The following CDYL variants were observed in gnomAD, a reference collection of about 807,000 sequenced individuals.
CDYL encodes the protein chromodomain Y like.
CDYL carries 8 observed loss-of-function variants against 47.3 expected under a neutral mutation model. The ratio of observed to expected loss-of-function variants is 0.17; its 90% CI spans 0.10 to 0.31. The LOEUF (loss-of-function observed/expected upper bound fraction) is 0.31, where lower values mean the gene tolerates loss of function less well. Ranked by LOEUF, CDYL falls within the 10% of genes least tolerant of loss-of-function variation. CDYL has a pLI of 1.00. For missense variants in CDYL, 471 were observed against 701.4 expected, an observed-to-expected ratio of 0.67 and a Z score of 3.71; for synonymous variants, 266 against 265.0, an observed-to-expected ratio of 1.00 and a Z score of -0.04.
At chr6:4,930,845 T>C (rs182053078) in intron 2 of CDYL, among the ~76,000 whole-genome samples, 1 of 152,360 alleles carries the variant, frequency 6.6e-6, no homozygotes, top group African/African-American at 2.4e-5. Context: ...GCCTTGGTAC[T>C]CTGAATCCAA....
rs1056291125 is a variant in CDYL at position 4,923,724 on chromosome 6, G to A, written c.692-11791G>A. On this transcript the variant is annotated intron_variant, in intron 2 of 6. Transcript: ENST00000397588. Reference sequence around the variant, plus strand: ...TCCTCTTCTAACCCGGTGAAACCCCGTCTCTACTAAAAAATATTTAAAAAA... The same window carrying A: ...TCCTCTTCTAACCCGGTGAAACCCCATCTCTACTAAAAAATATTTAAAAAA... 1.2e-4 allele frequency among the ~76,000 whole-genome samples: 18 copies of A among 151,868 alleles called. 1 individual carries two copies. Among genetic ancestry groups the A allele is most frequent in the Non-Finnish European group, 2.4e-4 (16 of 67,982 alleles).
chr6:4,845,600 C>T (rs556892370), intron 1 of CDYL, among the ~76,000 whole-genome samples: 19 of 152,272 alleles, frequency 1.2e-4, no homozygotes, highest in Admixed American at 2.0e-4. Context: ...AAATATTTTA[C>T]GCTTTCTTGG....
rs781317117 is a variant in CDYL at position 4,892,168 on chromosome 6, C to T, written c.480C>T (p.Ser160=). The change falls in exon 2 of 7, where the codon AGC becomes AGT. Residue 160 remains serine (S), a synonymous_variant. Transcript: ENST00000397588. The part of the protein sequence containing the change: ...KSRTAVDGFQ[S]ESPEKLDPVE... ...GGACCGCAGTGGACGGCTTTCAGAG[C>T]GAGAGCCCTGAGAAACTGGACCCCG... 9 of 1,614,168 alleles carry T rather than the reference C, an allele frequency of 5.6e-6. No homozygotes were observed. The highest frequency in any genetic ancestry group is 4.5e-5 in the East Asian group (2 of 44,882).
intron 4 of CDYL, among the ~76,000 whole-genome samples, chr6:4,940,629 A>G (rs1375354055): frequency 6.6e-6 from 1 of 152,246 alleles, no homozygotes; most frequent in Non-Finnish European, 1.5e-5. Flanking sequence ...TGTGGTTAGA[A>G]CAAAATTCTT....
chr6:4,883,168 A>C (rs1036773917), intron 1 of CDYL, among the ~76,000 whole-genome samples: 7 of 152,092 alleles, frequency 4.6e-5, no homozygotes, highest in African/African-American at 1.7e-4. Context: ...GAAACATACA[A>C]TTTTGTCCTG....
chr6:4,892,463 C>A, intron 2 of CDYL, 84 bp downstream of exon 2: 1 of 1,416,580 alleles, frequency 7.1e-7, no homozygotes, highest in Non-Finnish European at 9.5e-7. Flanking sequence ...TTGAGCTGGG[C>A]AGAGTCCGGG....
intron 1 of CDYL, chr6:4,714,989 C>T (rs1757226145): frequency 2.0e-5 from 3 of 152,070 alleles, no homozygotes; most frequent in South Asian, 2.1e-4. Context: ...AGGAAATGAC[C>T]TCAGTTGTTT....
intron 3 of CDYL, 89 bp downstream of exon 3, chr6:4,935,860 T>C: frequency 1.3e-6 from 2 of 1,569,064 alleles, no homozygotes; most frequent in South Asian, 1.2e-5. Context: ...CTTCCTGTGC[T>C]CTTTCTAAAC....
intron 1 of CDYL, among the ~76,000 whole-genome samples, chr6:4,706,555 G>T (rs1252397385): frequency 1.3e-5 from 2 of 152,102 alleles, no homozygotes; most frequent in African/African-American, 4.8e-5. Flanking sequence ...CACTTTGGGA[G>T]GCCAAGGCGG....
chr6:4,916,519 G>A (rs1757560452), intron 2 of CDYL, among the ~76,000 whole-genome samples: 2 of 152,180 alleles, frequency 1.3e-5, no homozygotes. Context: ...AAAGTTCACT[G>A]TGAGGTAAAT....
chr6:4,738,644 A>G (rs903530280), intron 3 of CDYL, among the ~76,000 whole-genome samples: 1 of 152,216 alleles, frequency 6.6e-6, no homozygotes, highest in Non-Finnish European at 1.5e-5. Flanking sequence ...AAAGTGAAAA[A>G]TGAGTACAAC....
intron 3 of CDYL, among the ~76,000 whole-genome samples, chr6:4,745,149 G>A (rs543994572): frequency 4.6e-5 from 7 of 152,126 alleles, no homozygotes; most frequent in South Asian, 4.2e-4. Context: ...TATTGTAGAC[G>A]AGGTCTCACT....
chr6:4,925,638 G>C (rs971102795), intron 2 of CDYL, among the ~76,000 whole-genome samples: 6 of 151,944 alleles, frequency 3.9e-5, no homozygotes, highest in South Asian at 4.2e-4. Context: ...GGATGGTCTC[G>C]ATCTCCTGCC....
intron 1 of CDYL, among the ~76,000 whole-genome samples, chr6:4,713,589 C>CTT (rs11375423): frequency 0.02 from 2,314 of 113,570 alleles, 31 homozygotes; most frequent in Non-Finnish European, 0.03. Context: ...CATTTAGATT[C>CTT]TTTTTTTTTT....
At chr6:4,795,664 C>T (rs1026691791) in intron 1 of CDYL, among the ~76,000 whole-genome samples, 3 of 151,214 alleles carry the variant, frequency 2.0e-5, no homozygotes, top group Admixed American at 1.3e-4. Context: ...ATTCAGCATG[C>T]CTCATTCTTT....
chr6:4,868,312 C>G (rs868004058), intron 1 of CDYL, among the ~76,000 whole-genome samples: 1 of 151,802 alleles, frequency 6.6e-6, no homozygotes, highest in Admixed American at 6.6e-5. Context: ...CATTTTCATT[C>G]AATTCTAAAT....
intron 2 of CDYL, among the ~76,000 whole-genome samples, chr6:4,893,418 C>T (rs984628536): frequency 5.3e-5 from 8 of 152,166 alleles, no homozygotes; most frequent in East Asian, 3.9e-4. Context: ...TTTAGCCGGG[C>T]GTGGTGGCTC....
intron 1 of CDYL, among the ~76,000 whole-genome samples, chr6:4,849,344 T>G (rs1760753137): frequency 6.6e-6 from 1 of 152,182 alleles, no homozygotes; most frequent in Non-Finnish European, 1.5e-5. Flanking sequence ...AGTACTGACT[T>G]TTGGCAAAAT....
intron 1 of CDYL, among the ~76,000 whole-genome samples, chr6:4,854,607 A>G (rs754917630): frequency 2.0e-5 from 3 of 152,230 alleles, no homozygotes; most frequent in Non-Finnish European, 4.4e-5. Flanking sequence ...ACCACCTGGA[A>G]TAAAATAACC....
Sources: allele counts gnomAD v4.1 joint callset (sites outside exome capture counted in the v4.1 genomes callset), GRCh38; gene constraint gnomAD v4.1.1; transcripts MANE v1.5; gene names NCBI Gene and HGNC (gene_info 2026-07-23, HGNC 2026-07-21).